Variants in PLXNA2 observed in about 807,000 individuals in gnomAD.
The protein encoded by PLXNA2 is plexin A2.
In PLXNA2, 91 loss-of-function variants were observed where a neutral mutation model predicts 193.5. That is an observed-to-expected ratio of 0.47 (90% CI 0.40 to 0.56). PLXNA2 has a LOEUF of 0.56. Ranked by LOEUF, PLXNA2 falls within the 20% of genes least tolerant of loss-of-function variation. PLXNA2 has a pLI of 0.00. For synonymous variants in PLXNA2, 997 were observed against 1,027.3 expected, an observed-to-expected ratio of 0.97 and a Z score of 0.56; for missense variants, 1,995 against 2,503.2, an observed-to-expected ratio of 0.80 and a Z score of 4.33.
At chr1:208,185,658 C>A (rs1669969151) in intron 3 of PLXNA2, among the ~76,000 whole-genome samples, 1 of 119,824 alleles carries the variant, frequency 8.3e-6, no homozygotes, top group African/African-American at 3.3e-5. Context: ...TTTCCTGAAG[C>A]TGAAGCTGCC....
rs749143389 is a variant in PLXNA2 at position 208,082,112 on chromosome 1, G to A, written c.2395+300C>T. On this transcript the variant is annotated intron_variant, in intron 11 of 31. Transcript: ENST00000367033. This position sits in a 1 kb window ranked among gnomAD's most constrained non-coding sequence, Gnocchi z 4.2. ...CCATTTCCAGGGAAACTAGCCGGAC[G>A]TTCCTGCCTGCTGTTCTCCTAGGTC... is the stretch of plus-strand genomic sequence containing the variant. 1.3e-5 allele frequency among the ~76,000 whole-genome samples: 2 copies of A among 152,170 alleles called. No homozygotes were observed.
At position 208,236,508 on chromosome 1, in the gene PLXNA2, T is replaced by G. The variant is rs899754133; in HGVS notation, c.-81+7135A>C. Among the ~76,000 whole-genome samples, 5 of 152,124 alleles carry G rather than the reference T, an allele frequency of 3.3e-5. No homozygotes were observed. The East Asian group carries it at 9.6e-4, about 29-fold the overall frequency. Reference sequence around the variant, plus strand: ...CCTGAACCTTCCACCCTCTCTCCCTTAAAGGGTGGAGCACACTGCCTGGCC... The same window carrying G: ...CCTGAACCTTCCACCCTCTCTCCCTGAAAGGGTGGAGCACACTGCCTGGCC... On this transcript the variant is annotated intron_variant, in intron 1 of 31. Coordinates refer to ENST00000367033, the MANE Select transcript of PLXNA2 (RefSeq NM_025179.4). The surrounding 1 kb of genome is among the most constrained non-coding windows in gnomAD (Gnocchi z 4.4).
chr1:208,096,374 G>A (rs534814524), intron 7 of PLXNA2, among the ~76,000 whole-genome samples: 1 of 152,068 alleles, frequency 6.6e-6, no homozygotes, highest in African/African-American at 2.4e-5. Flanking sequence ...GGAGCCCCTT[G>A]CCTTTGTCAG....
At chr1:208,199,435 G>GTAAA (rs1166038013) in intron 3 of PLXNA2, among the ~76,000 whole-genome samples, 1 of 152,256 alleles carries the variant, frequency 6.6e-6, no homozygotes, top group African/African-American at 2.4e-5. Context: ...GCTCACGCCT[G>GTAAA]TAATCCCAGC....
intron 3 of PLXNA2, among the ~76,000 whole-genome samples, chr1:208,203,845 T>A (rs752893077): frequency 6.6e-6 from 1 of 152,240 alleles, no homozygotes; most frequent in Non-Finnish European, 1.5e-5. Context: ...CACGGAAACG[T>A]ATCTTGTAAA....
chr1:208,136,809 G>A (rs1668315129), intron 4 of PLXNA2, among the ~76,000 whole-genome samples: 1 of 152,232 alleles, frequency 6.6e-6, no homozygotes, highest in South Asian at 2.1e-4. Context: ...GCCATAATTT[G>A]TGGTGGAGAT....
At chr1:208,093,271 C>T (rs151153409) in intron 8 of PLXNA2, among the ~76,000 whole-genome samples, 3 of 152,180 alleles carry the variant, frequency 2.0e-5, no homozygotes, top group Non-Finnish European at 4.4e-5. Context: ...ATGCTGCAAA[C>T]TAGGTTTTCT....
rs1407597383 is a variant in PLXNA2 at position 208,236,762 on chromosome 1, C to G, written c.-81+6881G>C. ...TGACGGCTAGGAAAGGCTCTAGAGA[C>G]TGGAATCTAGTGGTTCTTTACATTG... is the stretch of plus-strand genomic sequence containing the variant. On this transcript the variant is annotated intron_variant, in intron 1 of 31. Coordinates refer to ENST00000367033, the MANE Select transcript of PLXNA2 (RefSeq NM_025179.4). The surrounding 1 kb of genome is among the most constrained non-coding windows in gnomAD (Gnocchi z 4.4). 2.6e-5 allele frequency among the ~76,000 whole-genome samples: 4 copies of G among 152,218 alleles called. No individual in the cohort carries two copies. The highest frequency in any genetic ancestry group is 1.3e-4 in the Admixed American group (2 of 15,276).
intron 3 of PLXNA2, among the ~76,000 whole-genome samples, chr1:208,154,751 C>T (rs1417333773): frequency 6.6e-6 from 1 of 152,102 alleles, no homozygotes; most frequent in South Asian, 2.1e-4. Context: ...ATTGATTGTC[C>T]AGCGAAGGCT....
intron 1 of PLXNA2, among the ~76,000 whole-genome samples, chr1:208,232,886 C>A (rs978900410): frequency 1.3e-5 from 2 of 152,222 alleles, no homozygotes; most frequent in African/African-American, 4.8e-5. Context: ...CATAACACAG[C>A]CTTTTCCTCC....
intron 3 of PLXNA2, among the ~76,000 whole-genome samples, chr1:208,194,065 G>A (rs1468074646): frequency 6.6e-6 from 1 of 151,986 alleles, no homozygotes; most frequent in African/African-American, 2.4e-5. Flanking sequence ...ATCCAGCAAT[G>A]GTTTGTAATC....
intron 12 of PLXNA2, among the ~76,000 whole-genome samples, chr1:208,074,297 C>G (rs6701899): frequency 0.5 from 75,566 of 151,968 alleles, 19,187 homozygotes; most frequent in Non-Finnish European, 0.54. Context: ...GGCGGGCCAG[C>G]CATCTCATGG....
Position 208,046,062 on chromosome 1 carries a change from G to T in PLXNA2, c.3311C>A (p.Thr1104Lys). 2 of 1,614,258 alleles carry T rather than the reference G, an allele frequency of 1.2e-6. No homozygotes were observed. Residue 1104 changes from threonine (T) to lysine (K), a missense_variant, in exon 18 of 32, where the codon ACG becomes AAG. Thr to Lys is a moderately conservative substitution (Grantham distance 78). Coordinates refer to ENST00000367033, the MANE Select transcript of PLXNA2 (RefSeq NM_025179.4). ...AGTGTCCAGGCCAGGGCGGTAGTCCGTGGTCAGAGAGGGTGCCAGGCAGGT... is the reference window on the plus strand; with the variant it reads ...AGTGTCCAGGCCAGGGCGGTAGTCCTTGGTCAGAGAGGGTGCCAGGCAGGT... The part of the protein sequence containing the change: ...TLTCLAPSLT[T>K]DYRPGLDTVE...
chr1:208,123,709 T>C (rs185048337), intron 4 of PLXNA2, among the ~76,000 whole-genome samples: 122 of 152,352 alleles, frequency 8.0e-4, no homozygotes, highest in African/African-American at 2.8e-3. Flanking sequence ...TCATTGTTTA[T>C]GTTTAAAGTA....
Position 208,034,535 on chromosome 1 carries a change from G to C in PLXNA2, c.4822C>G (p.Pro1608Ala). The C allele has an allele frequency of 1.2e-6, 2 of 1,614,040 alleles. No individual in the cohort carries two copies. The highest frequency in any genetic ancestry group is 1.7e-6 in the Non-Finnish European group (2 of 1,179,906). The change falls in exon 27 of 32, where the codon CCT becomes GCT. Residue 1608 changes from proline to alanine, a missense_variant. Transcript: ENST00000367033. ...VPKQTSSYNI[P>A]ASASISRTSI... The stretch of plus-strand genomic sequence containing the variant: ...GTCCGGGAGATGCTGGCAGAGGCAG[G>C]GATGTTGTAGGAGGAGGTCTGTTTG...
At chr1:208,064,452 A>G (rs1164742635) in intron 12 of PLXNA2, among the ~76,000 whole-genome samples, 2 of 152,028 alleles carry the variant, frequency 1.3e-5, no homozygotes, top group Admixed American at 6.5e-5. Context: ...CTTTCCATTC[A>G]ATAGCACATC....
chr1:208,050,990 C>A lies in PLXNA2; in HGVS notation c.3255+19G>T. The A allele has an allele frequency of 6.3e-7, 1 of 1,575,262 alleles. No homozygotes were observed. Among genetic ancestry groups the A allele is most frequent in the Non-Finnish European group, 8.7e-7 (1 of 1,144,570 alleles). On this transcript the variant is annotated intron_variant, in intron 17 of 31. Transcript: ENST00000367033. ...GAGCTGTGTTTACCAAAGGCTGGGG[C>A]AGACCAACAGTTACTCACATTGACA...
chr1:208,066,620 C>G (rs1267467863), intron 12 of PLXNA2, among the ~76,000 whole-genome samples: 1 of 152,124 alleles, frequency 6.6e-6, no homozygotes, highest in Non-Finnish European at 1.5e-5. Flanking sequence ...TATGTACTCA[C>G]TATATTTTTT....
chr1:208,034,856 T>C (rs372491862), intron 26 of PLXNA2, among the ~76,000 whole-genome samples: 4 of 152,304 alleles, frequency 2.6e-5, no homozygotes, highest in Middle Eastern at 6.8e-3. Flanking sequence ...TGTGTCTAAA[T>C]TGAGATGTGC....
Sources: allele counts gnomAD v4.1 joint callset (sites outside exome capture counted in the v4.1 genomes callset), GRCh38; gene constraint gnomAD v4.1.1; non-coding constraint Gnocchi (gnomAD v3.1); transcripts MANE v1.5; gene names NCBI Gene and HGNC (gene_info 2026-07-23, HGNC 2026-07-21).